The following TNIP1 variants were observed in gnomAD, a reference collection of about 807,000 sequenced individuals.
The protein encoded by TNIP1 is TNFAIP3 interacting protein 1.
TNIP1 carries 22 observed loss-of-function variants against 86.6 expected under a neutral mutation model. The ratio of observed to expected loss-of-function variants is 0.25; its 90% CI spans 0.18 to 0.36. The LOEUF (loss-of-function observed/expected upper bound fraction) is 0.36, where lower values mean the gene tolerates loss of function less well. Ranked by LOEUF, TNIP1 falls within the 10% of genes least tolerant of loss-of-function variation. The probability of loss-of-function intolerance (pLI) is 1.00; values close to 1 mark genes in which losing one functional copy is unlikely to be tolerated. For synonymous variants in TNIP1, 294 were observed against 313.0 expected, an observed-to-expected ratio of 0.94 and a Z score of 0.64; for missense variants, 709 against 820.6, an observed-to-expected ratio of 0.86 and a Z score of 1.66.
In TNIP1 at chr5:151,066,745, G is replaced by A. The variant is rs200539303; in HGVS notation, c.-36-1614C>T. Among the ~76,000 whole-genome samples, 3 of 152,180 alleles carry A rather than the reference G, an allele frequency of 2.0e-5. No homozygotes were observed. In the East Asian group the frequency reaches 5.8e-4, roughly 29 times the overall value. ...AGGCTCAGGGCGGTTAAGTAACTCA[G>A]CCACGATGACCCGGCCGCAATAAGA... On this transcript the variant is annotated intron_variant, in intron 1 of 17. Transcript: ENST00000521591.
intron 11 of TNIP1, among the ~76,000 whole-genome samples, chr5:151,039,774 A>G (rs909999497): frequency 6.6e-6 from 1 of 152,242 alleles, no homozygotes; most frequent in African/African-American, 2.4e-5. Flanking sequence ...TAGAGGAGAG[A>G]TGACACGCCC....
At chr5:151,038,991 G>C in intron 12 of TNIP1, 106 bp downstream of exon 12, 1 of 1,442,210 alleles carries the variant, frequency 6.9e-7, no homozygotes, top group East Asian at 2.4e-5. Context: ...TCACTGACTG[G>C]GGGTTACCCT....
chr5:151,059,828 A>AGAGAGAGAGT lies in TNIP1; in HGVS notation c.435+489_435+490insACTCTCTCTC, dbSNP rs1554076446. 2.0e-3 allele frequency among the ~76,000 whole-genome samples: 113 copies of AGAGAGAGAGT among 56,308 alleles called. 1 individual carries two copies. Among genetic ancestry groups the AGAGAGAGAGT allele is most frequent in the African/African-American group, 3.5e-3 (41 of 11,736 alleles). 36.9% of individuals were successfully genotyped at this position (56,308 alleles called of 152,430 possible). A position where few individuals can be genotyped will look rare whatever the true frequency, so the allele number is the denominator to read the frequency against. On this transcript the variant is annotated intron_variant, in intron 5 of 17. Coordinates refer to ENST00000521591, the MANE Select transcript of TNIP1 (RefSeq NM_006058.5). ...GAGAGAGAGAGAGAGAGAGAGAGAGAGTGTGTGTGTGTGTGTGTGTGTGTG... is the reference window on the plus strand; with the variant it reads ...GAGAGAGAGAGAGAGAGAGAGAGAGAGAGAGAGAGTGTGTGTGTGTGTGTGTGTGTGTGTG...
chr5:151,037,267 G>A (rs563499328), intron 12 of TNIP1: 1 of 163,384 alleles, frequency 6.1e-6, no homozygotes, highest in East Asian at 1.8e-4. Flanking sequence ...CTACCCAGCA[G>A]GCTAAACTGG....
intron 1 of TNIP1, among the ~76,000 whole-genome samples, chr5:151,071,759 C>T (rs1762845563): frequency 6.7e-6 from 1 of 150,236 alleles, no homozygotes. Flanking sequence ...TGGCACACAT[C>T]TTCCCATGTC....
intron 6 of TNIP1, among the ~76,000 whole-genome samples, chr5:151,053,238 T>C (rs560518493): frequency 6.6e-6 from 1 of 151,002 alleles, no homozygotes; most frequent in South Asian, 2.1e-4. Context: ...GCCTCCTGAG[T>C]AGCTGGAACT....
At position 151,070,745 on chromosome 5, in the gene TNIP1, C is replaced by T. The variant is rs80152734; in HGVS notation, c.-36-5614G>A. Among the ~76,000 whole-genome samples, 1,147 of 152,302 alleles carry T rather than the reference C, an allele frequency of 7.5e-3. 11 individuals carry two copies. The highest frequency in any genetic ancestry group is 0.026 in the African/African-American group (1,074 of 41,548). On this transcript the variant is annotated intron_variant, in intron 1 of 17. Coordinates refer to ENST00000521591, the MANE Select transcript of TNIP1 (RefSeq NM_006058.5). ...ATTTGTGTTATGATGACCTCCAGTC[C>T]TCCCCAACCAATTTCCAGGCTGGGG...
chr5:151,063,160 C>T (rs998265543), intron 3 of TNIP1, among the ~76,000 whole-genome samples: 1 of 152,236 alleles, frequency 6.6e-6, no homozygotes, highest in African/African-American at 2.4e-5. Flanking sequence ...AGCCCAGCTT[C>T]TTCCCTGGGC....
intron 9 of TNIP1, among the ~76,000 whole-genome samples, chr5:151,045,326 G>C (rs2113457147): frequency 6.6e-6 from 1 of 152,278 alleles, no homozygotes; most frequent in African/African-American, 2.4e-5. Flanking sequence ...CTGACCTCAG[G>C]TGATCCACCC....
At chr5:151,056,608 T>G (rs1464373015) in intron 6 of TNIP1, among the ~76,000 whole-genome samples, 158 bp downstream of exon 6, 1 of 152,080 alleles carries the variant, frequency 6.6e-6, no homozygotes, top group Non-Finnish European at 1.5e-5. Flanking sequence ...AACTTCCTTA[T>G]CCTGTTCATC....
chr5:151,058,906 G>T (rs765932943), intron 5 of TNIP1, among the ~76,000 whole-genome samples: 1 of 152,230 alleles, frequency 6.6e-6, no homozygotes, highest in Non-Finnish European at 1.5e-5. Context: ...GAATGGCAAT[G>T]ACTATAACCC....
At chr5:151,081,487 C>T (rs893290931), upstream of TNIP1, among the ~76,000 whole-genome samples, 2 of 152,168 alleles carry the variant, frequency 1.3e-5, no homozygotes, top group African/African-American at 4.8e-5. Flanking sequence ...CCGTCCAGGG[C>T]ACTCCAGGAC....
At chr5:151,074,623 A>G (rs76523847) in intron 1 of TNIP1, among the ~76,000 whole-genome samples, 11,256 of 152,306 alleles carry the variant, frequency 0.074, 853 homozygotes, top group African/African-American at 0.2. Flanking sequence ...GGGGCTGGAC[A>G]GGGGCTGAGG....
chr5:151,067,171 G>A (rs1762332768), intron 1 of TNIP1, among the ~76,000 whole-genome samples: 1 of 152,228 alleles, frequency 6.6e-6, no homozygotes, highest in Non-Finnish European at 1.5e-5. Context: ...AAAGGTCAGT[G>A]TTCTACAGCA....
rs770647301 is a variant in TNIP1 at position 151,042,941 on chromosome 5, C to T, written c.957G>A (p.Gln319=). ...TCATGGACCGGAAATGCTGGTCCCA[C>T]TGCTTGTTCACTTCCAGCAGCTGTG... The part of the protein sequence containing the change: ...QRSELLEVNK[Q]WDQHFRSMKQ... The change falls in exon 10 of 18, where the codon CAG becomes CAA. Residue 319 remains glutamine, a synonymous_variant. Coordinates refer to ENST00000521591, the MANE Select transcript of TNIP1 (RefSeq NM_006058.5). 1 of 1,614,218 alleles carries T rather than the reference C, an allele frequency of 6.2e-7. No individual in the cohort carries two copies. The highest frequency in any genetic ancestry group is 2.2e-5 in the East Asian group (1 of 44,890).
chr5:151,059,982 C>G (rs1761335779), intron 5 of TNIP1, among the ~76,000 whole-genome samples: 1 of 152,104 alleles, frequency 6.6e-6, no homozygotes, highest in Non-Finnish European at 1.5e-5. Context: ...CTTCCTGACC[C>G]TTCTTTCTCC....
intron 14 of TNIP1, 138 bp downstream of exon 14, chr5:151,035,444 C>A (rs150034842): frequency 1.8e-5 from 23 of 1,300,124 alleles, no homozygotes; most frequent in Non-Finnish European, 2.5e-5. Context: ...AAGGGCCTTG[C>A]CGAGCTCAAA....
intron 5 of TNIP1, among the ~76,000 whole-genome samples, chr5:151,057,859 A>T (rs1322285386): frequency 2.6e-5 from 4 of 152,226 alleles, no homozygotes; most frequent in Non-Finnish European, 4.4e-5. Flanking sequence ...TAAAGTATAT[A>T]GGAGGATGTG....
Position 151,056,895 on chromosome 5 carries a change from G to T in TNIP1, c.498C>A (p.Thr166=). 1 of 1,600,736 alleles carries T rather than the reference G, an allele frequency of 6.2e-7. No individual in the cohort carries two copies. Residue 166 remains threonine, a synonymous_variant, in exon 6 of 18, where the codon ACC becomes ACA. Coordinates refer to ENST00000521591, the MANE Select transcript of TNIP1 (RefSeq NM_006058.5). ...GCTCCTCGGCACACACACTCAGCGT[G>T]GTCTCCAGGCGCTGCAGGTGCAGCA... ...NLMLHLQRLE[T]TLSVCAEEPD...
Sources: allele counts gnomAD v4.1 joint callset (sites outside exome capture counted in the v4.1 genomes callset), GRCh38; gene constraint gnomAD v4.1.1; transcripts MANE v1.5; gene names NCBI Gene and HGNC (gene_info 2026-07-23, HGNC 2026-07-21).